KCTD8: variants seen among roughly 807,000 people sequenced by gnomAD.
KCTD8 encodes potassium channel tetramerization domain containing 8.
Under a neutral mutation model 31.5 loss-of-function variants are expected in KCTD8, and 27 were observed. The ratio of observed to expected loss-of-function variants is 0.86; its 90% confidence interval spans 0.63 to 1.18. The LOEUF is 1.18. KCTD8 is among the 50% of genes most tolerant of loss of function. The pLI is 0.00. For synonymous variants in KCTD8, 290 were observed against 280.0 expected (o/e 1.04, Z -0.36); for missense variants, 658 against 647.7 (o/e 1.02, Z -0.17).
intron 1 of KCTD8, among the ~76,000 whole-genome samples, chr4:44,347,908 C>T (rs1719077331): frequency 1.3e-5 from 2 of 152,044 alleles, no homozygotes; most frequent in Non-Finnish European, 2.9e-5. Context: ...ATTATTATCC[C>T]TGTAGGGCAT....
intron 1 of KCTD8, among the ~76,000 whole-genome samples, chr4:44,421,765 G>A (rs1318630332): frequency 1.3e-5 from 2 of 151,962 alleles, no homozygotes; most frequent in African/African-American, 4.8e-5. Context: ...GGAAATAATG[G>A]GGAAAAGAAC....
chr4:44,327,325 C>CTTT (rs1199052265), intron 1 of KCTD8, among the ~76,000 whole-genome samples: 1 of 151,804 alleles, frequency 6.6e-6, no homozygotes, highest in Non-Finnish European at 1.5e-5. Context: ...TCAGAATCTA[C>CTTT]TTTTTTACCC....
intron 1 of KCTD8, among the ~76,000 whole-genome samples, chr4:44,195,183 C>T (rs1475632234): frequency 7.0e-6 from 1 of 142,950 alleles, no homozygotes; most frequent in Non-Finnish European, 1.6e-5. Context: ...TACCTAAATA[C>T]ATACTTTTTT....
rs539420110 is a variant in KCTD8, at chr4:44,301,907, A to T, written c.962-126657T>A. Among the ~76,000 whole-genome samples, 5 of 152,254 alleles carry T rather than the reference A, an allele frequency of 3.3e-5. No homozygotes were observed. The South Asian group carries it at 8.3e-4, about 25-fold the overall frequency. ...ATTAATTTTTGTATAAGGTGTAAGG[A>T]AGGGATCCAGTTTCAGCTTTCTACA... On this transcript the variant is annotated intron_variant, in intron 1 of 1. Transcript: ENST00000360029.
At chr4:44,443,373 G>T (rs1453576519) in intron 1 of KCTD8, among the ~76,000 whole-genome samples, 1 of 152,160 alleles carries the variant, frequency 6.6e-6, no homozygotes, top group Non-Finnish European at 1.5e-5. Context: ...GATTTTTAAA[G>T]ATGTGTCTTA....
intron 1 of KCTD8, among the ~76,000 whole-genome samples, chr4:44,202,990 C>T (rs1172188719): frequency 6.6e-6 from 1 of 151,974 alleles, no homozygotes; most frequent in Non-Finnish European, 1.5e-5. Context: ...TCTTTTAGTA[C>T]TTTTAACAGC....
chr4:44,182,560 G>A (rs896382496), intron 1 of KCTD8, among the ~76,000 whole-genome samples: 1 of 152,138 alleles, frequency 6.6e-6, no homozygotes, highest in African/African-American at 2.4e-5. Context: ...GGTGCAAGAT[G>A]TGCTTTGTTA....
chr4:44,198,057 A>C (rs1206834502), intron 1 of KCTD8, among the ~76,000 whole-genome samples: 1 of 152,228 alleles, frequency 6.6e-6, no homozygotes. Context: ...AGAATCTCAG[A>C]GCTCAAAGAC....
chr4:44,430,829 G>A lies in KCTD8; in HGVS notation c.961+16734C>T, dbSNP rs191138895. On this transcript the variant is annotated intron_variant, in intron 1 of 1. Transcript: ENST00000360029. ...GCTCCCTTAGGCACTAACCACTGAA[G>A]CATTAGACTCACCTTTTACTCCACC... is the stretch of plus-strand genomic sequence containing the variant. Among the ~76,000 whole-genome samples, 22 of 151,588 alleles carry A rather than the reference G, an allele frequency of 1.5e-4. No individual in the cohort carries two copies. In the East Asian group the frequency reaches 3.9e-3, roughly 27 times the overall value.
At chr4:44,266,918 G>T (rs1182121049) in intron 1 of KCTD8, among the ~76,000 whole-genome samples, 4 of 151,628 alleles carry the variant, frequency 2.6e-5, no homozygotes, top group Non-Finnish European at 5.9e-5. Flanking sequence ...CCTACAAAGA[G>T]ACTTAGACTC....
intron 1 of KCTD8, among the ~76,000 whole-genome samples, chr4:44,438,128 T>C (rs149535993): frequency 2.3e-3 from 354 of 152,292 alleles, no homozygotes; most frequent in Non-Finnish European, 4.3e-3. Context: ...TGGAGAATTA[T>C]TTCTGAATGT....
chr4:44,271,330 T>C (rs967924606), intron 1 of KCTD8, among the ~76,000 whole-genome samples: 2 of 152,276 alleles, frequency 1.3e-5, no homozygotes, highest in Middle Eastern at 3.4e-3. Flanking sequence ...TAGAGATATA[T>C]TGAGTATGCC....
intron 1 of KCTD8, among the ~76,000 whole-genome samples, chr4:44,380,733 T>C (rs1158196519): frequency 6.6e-6 from 1 of 151,978 alleles, no homozygotes; most frequent in African/African-American, 2.4e-5. Context: ...GTACATCAAT[T>C]TGCTCTATCA....
chr4:44,238,358 G>A (rs1715351619), intron 1 of KCTD8, among the ~76,000 whole-genome samples: 1 of 152,006 alleles, frequency 6.6e-6, no homozygotes, highest in Admixed American at 6.6e-5. Context: ...AACTTATCCT[G>A]GTTGTGATGT....
chr4:44,418,232 T>TA lies in KCTD8; in HGVS notation c.961+29330dup, dbSNP rs1721124164. On this transcript the variant is annotated intron_variant, in intron 1 of 1. Transcript: ENST00000360029. ...AGAGGAAACATTAATTATGAGAGGGTAACATGAGTAAAGACAAGGGTGAAA... is the reference window on the plus strand; with the variant it reads ...AGAGGAAACATTAATTATGAGAGGGTAAACATGAGTAAAGACAAGGGTGAAA... Among the ~76,000 whole-genome samples the TA allele has an allele frequency of 2.0e-5, 3 of 151,770 alleles. No individual in the cohort carries two copies. In the South Asian group the frequency reaches 6.3e-4, roughly 32 times the overall value.
At position 44,174,007 on chromosome 4, in the gene KCTD8, C is replaced by T. The variant is rs545952499; in HGVS notation, c.*783G>A. On this transcript the variant is annotated 3_prime_UTR_variant, in exon 2 of 2. Coordinates refer to ENST00000360029, the MANE Select transcript of KCTD8 (RefSeq NM_198353.3). ...TAGGATCTTTCAAAGCATCATTATA[C>T]CAATTTTCACAGCCCGATGTAAGAC... 3.3e-5 allele frequency: 5 copies of T among 152,090 alleles called. No homozygotes were observed. The South Asian group carries it at 1.0e-3, about 32-fold the overall frequency. 9.4% of individuals were successfully genotyped at this position (152,090 alleles called of 1,614,324 possible). A position where few individuals can be genotyped will look rare whatever the true frequency, so the allele number is the denominator to read the frequency against.
chr4:44,195,569 A>G (rs1035533343), intron 1 of KCTD8, among the ~76,000 whole-genome samples: 4 of 152,224 alleles, frequency 2.6e-5, no homozygotes, highest in Non-Finnish European at 5.9e-5. Flanking sequence ...GTTTCGTTCT[A>G]CTGATTTTTC....
chr4:44,382,998 T>A (rs147923743), intron 1 of KCTD8, among the ~76,000 whole-genome samples: 2 of 147,934 alleles, frequency 1.4e-5, no homozygotes, highest in Non-Finnish European at 1.5e-5. Context: ...CAGTAATGTT[T>A]CTATACACCA....
chr4:44,231,610 G>A (rs963476843), intron 1 of KCTD8, among the ~76,000 whole-genome samples: 1 of 152,132 alleles, frequency 6.6e-6, no homozygotes, highest in Admixed American at 6.5e-5. Context: ...AACATTTTCA[G>A]CACTATGTTA....
Sources: allele counts gnomAD v4.1 joint callset (sites outside exome capture counted in the v4.1 genomes callset), GRCh38; gene constraint gnomAD v4.1.1; transcripts MANE v1.5; gene names NCBI Gene and HGNC (gene_info 2026-07-23, HGNC 2026-07-21).